Variants in JPH3 observed in about 807,000 individuals in gnomAD.
JPH3 encodes the protein junctophilin 3, also known as junctophilin-3.
JPH3 carries 11 observed loss-of-function variants against 59.6 expected under a neutral mutation model. The observed-to-expected ratio is 0.18, with a 90% CI of 0.12 to 0.31. The LOEUF (loss-of-function observed/expected upper bound fraction) is 0.31. Ranked by LOEUF, JPH3 falls within the 10% of genes least tolerant of loss-of-function variation. The pLI is 1.00. For synonymous variants in JPH3, 673 were observed against 483.6 expected (o/e 1.39, Z -5.14); for missense variants, 1,202 against 1,105.7 (o/e 1.09, Z -1.24).
chr16:87,697,322 C>A lies in JPH3; in HGVS notation c.*662C>A, dbSNP rs1392696225. On this transcript the variant is annotated 3_prime_UTR_variant, in exon 5 of 5. Coordinates refer to ENST00000284262, the MANE Select transcript of JPH3 (RefSeq NM_020655.4). Reference sequence around the variant, plus strand: ...CCGGCCTTCCATGAGAAGCCGACTCCCCACACCGAGTTTTAAAGCAAAGCC... The same window carrying A: ...CCGGCCTTCCATGAGAAGCCGACTCACCACACCGAGTTTTAAAGCAAAGCC... The A allele has an allele frequency of 1.3e-5, 2 of 152,538 alleles. No homozygotes were observed. The highest frequency in any genetic ancestry group is 4.8e-5 in the African/African-American group (2 of 41,456). The allele number at this position is 152,538 out of a possible 1,614,324, so 9.4% of individuals were successfully genotyped here.
chr16:87,605,911 G>A (rs756089560), intron 1 of JPH3, among the ~76,000 whole-genome samples: 1 of 152,234 alleles, frequency 6.6e-6, no homozygotes, highest in Non-Finnish European at 1.5e-5. Flanking sequence ...ATGCAGATGG[G>A]GAGCTTCATG....
chr16:87,622,403 C>T (rs997841521), intron 1 of JPH3, among the ~76,000 whole-genome samples: 2 of 152,176 alleles, frequency 1.3e-5, no homozygotes, highest in African/African-American at 4.8e-5. Flanking sequence ...TGACCTTTGG[C>T]GGTGGGAGGG....
rs1368183864 is a variant in JPH3 at position 87,644,387 on chromosome 16, A to C, written c.512A>C (p.His171Pro). The C allele has an allele frequency of 6.2e-7, 1 of 1,612,798 alleles. No homozygotes were observed. The highest frequency in any genetic ancestry group is 1.1e-5 in the South Asian group (1 of 91,070). Residue 171 changes from histidine (H) to proline (P), a missense_variant, in exon 2 of 5, where the codon CAC becomes CCC. Coordinates refer to ENST00000284262, the MANE Select transcript of JPH3 (RefSeq NM_020655.4). Reference protein sequence around the residue: ...RTSINSLRSEHTNGTALHPDA... With the variant: ...RTSINSLRSEPTNGTALHPDA... ...TCCATCAACTCCCTGCGCAGCGAGC[A>C]CACCAACGGCACGGCGCTGCATCCC...
At position 87,667,246 on chromosome 16, in the gene JPH3, C is replaced by T. The variant is rs537848887; in HGVS notation, c.1161-16896C>T. Among the ~76,000 whole-genome samples the T allele has an allele frequency of 1.3e-4, 20 of 152,338 alleles. No homozygotes were observed. In the South Asian group the frequency reaches 3.3e-3, roughly 25 times the overall value. The stretch of plus-strand genomic sequence containing the variant: ...TTGCATTAGGGCCCACCTGTATAAC[C>T]GAGGATGCCCTCTTCTCAAGAGCCG... On this transcript the variant is annotated intron_variant, in intron 2 of 4. Transcript: ENST00000284262.
chr16:87,697,047 C>A lies in JPH3; in HGVS notation c.*387C>A. 3.7e-6 allele frequency: 1 copy of A among 272,096 alleles called. No individual in the cohort carries two copies. The highest frequency in any genetic ancestry group is 4.2e-5 in the South Asian group (1 of 23,924). 16.9% of individuals were successfully genotyped at this position (272,096 alleles called of 1,614,324 possible). A position where few individuals can be genotyped will look rare whatever the true frequency, so the allele number is the denominator to read the frequency against. ...AGCCCGGGGCAGAGCCTCAGCCCCG[C>A]GGCCCCTGAGTGGCAGGGCTGACTC... On this transcript the variant is annotated 3_prime_UTR_variant, in exon 5 of 5. Coordinates refer to ENST00000284262, the MANE Select transcript of JPH3 (RefSeq NM_020655.4).
At position 87,695,709 on chromosome 16, in the gene JPH3, G is replaced by A. The variant is rs1442883238; in HGVS notation, c.2167-871G>A. The A allele has an allele frequency of 6.9e-6, 3 of 433,210 alleles. No homozygotes were observed. The Admixed American group carries it at 7.5e-5, about 11-fold the overall frequency. The allele number at this position is 433,210 out of a possible 1,614,324, so 26.8% of individuals were successfully genotyped here. Reference sequence around the variant, plus strand: ...CCCCTGCCGTCCTGGGAGCTTCCCAGAGGGGCCACGCTCCCTCTCCCCCTG... The same window carrying A: ...CCCCTGCCGTCCTGGGAGCTTCCCAAAGGGGCCACGCTCCCTCTCCCCCTG... On this transcript the variant is annotated intron_variant, in intron 4 of 4. Transcript: ENST00000284262.
chr16:87,616,936 C>T (rs1235457507), intron 1 of JPH3, among the ~76,000 whole-genome samples: 1 of 152,190 alleles, frequency 6.6e-6, no homozygotes, highest in Non-Finnish European at 1.5e-5. Flanking sequence ...ATCAATAGTT[C>T]GTTCCAGGCT....
At chr16:87,684,350 C>T in intron 3 of JPH3, 84 bp downstream of exon 3, 1 of 1,549,410 alleles carries the variant, frequency 6.5e-7, no homozygotes, top group South Asian at 1.2e-5. Flanking sequence ...ATGTGTCCTC[C>T]AGAGCGGGTA....
intron 2 of JPH3, among the ~76,000 whole-genome samples, chr16:87,677,213 CACACACACACACAAAAAAAA>C (rs1231581548): frequency 7.2e-5 from 9 of 125,380 alleles, no homozygotes; most frequent in East Asian, 2.7e-4. Context: ...CACACACACA[CACACACACACACAAAAAAAA>C]AAATTAGCCG....
chr16:87,605,186 G>A (rs1332304079), intron 1 of JPH3, among the ~76,000 whole-genome samples: 2 of 152,216 alleles, frequency 1.3e-5, no homozygotes, highest in Admixed American at 1.3e-4. Flanking sequence ...GACTGTGCAG[G>A]CCGGGCTCAC....
intron 1 of JPH3, among the ~76,000 whole-genome samples, chr16:87,622,738 A>AC (rs5818640): frequency 0.29 from 41,853 of 146,160 alleles, 6,525 homozygotes; most frequent in Non-Finnish European, 0.37. Flanking sequence ...GATAAATCAG[A>AC]CCCCCCCCCG....
intron 2 of JPH3, among the ~76,000 whole-genome samples, chr16:87,655,852 G>C (rs899374593): frequency 6.6e-6 from 1 of 152,228 alleles, no homozygotes; most frequent in Admixed American, 6.5e-5. Flanking sequence ...AATGAGGTTC[G>C]ACAGTGCTGA....
intron 1 of JPH3, among the ~76,000 whole-genome samples, chr16:87,643,985 C>A (rs55639911): frequency 0.37 from 55,899 of 151,962 alleles, 11,369 homozygotes; most frequent in East Asian, 0.71. Context: ...AAATAATTTA[C>A]AAAGTAGTGG....
intron 2 of JPH3, among the ~76,000 whole-genome samples, chr16:87,649,160 C>G (rs2150849235): frequency 6.6e-6 from 1 of 152,324 alleles, no homozygotes; most frequent in Non-Finnish European, 1.5e-5. Flanking sequence ...CCCCGCGGAG[C>G]TGAGGTCATG....
intron 2 of JPH3, chr16:87,683,884 G>T (rs570013692): frequency 2.2e-6 from 1 of 450,658 alleles, no homozygotes; most frequent in Admixed American, 3.8e-5. Flanking sequence ...GGGATTACAG[G>T]CGTGAGCCAC....
chr16:87,692,024 A>T (rs1247844800), intron 4 of JPH3, among the ~76,000 whole-genome samples: 3 of 152,096 alleles, frequency 2.0e-5, no homozygotes, highest in Non-Finnish European at 4.4e-5. Flanking sequence ...CTCTGGGATG[A>T]GTTAGCGACA....
Position 87,690,054 on chromosome 16 carries a change from A to T in JPH3, c.1694A>T (p.Gln565Leu). The T allele has an allele frequency of 6.4e-7, 1 of 1,567,012 alleles. No homozygotes were observed. ...CGCACCCGAGGTTCGGGCCGCAAGC[A>T]GCCCGGGAACCCCAAGCCGCGGGAG... is the stretch of plus-strand genomic sequence containing the variant. ...DFRTRGSGRKQPGNPKPRERR... is the reference protein window; with the variant it reads ...DFRTRGSGRKLPGNPKPRERR... The change falls in exon 4 of 5, where the codon CAG becomes CTG. Residue 565 changes from glutamine (Q) to leucine (L), a missense_variant. Physicochemically the swap from Gln to Leu is moderately radical, Grantham distance 113. Coordinates refer to ENST00000284262, the MANE Select transcript of JPH3 (RefSeq NM_020655.4).
chr16:87,694,406 T>C (rs1243244554), intron 4 of JPH3: 4 of 151,968 alleles, frequency 2.6e-5, no homozygotes, highest in Non-Finnish European at 5.9e-5. Flanking sequence ...GACAAAAGGG[T>C]CCCCGGGCCA....
In JPH3 at chr16:87,687,705, G is replaced by C. The variant is rs181668529; in HGVS notation, c.1286-1941G>C. Among the ~76,000 whole-genome samples the C allele has an allele frequency of 2.2e-4, 34 of 152,372 alleles. 1 individual carries two copies. The highest frequency in any genetic ancestry group is 1.4e-3 in the Admixed American group (21 of 15,312). ...GGCTTCTAGGAACGTTACCTGCTCAGCAGCTCATTCTAGCTGAGGGTGCCC... is the reference window on the plus strand; with the variant it reads ...GGCTTCTAGGAACGTTACCTGCTCACCAGCTCATTCTAGCTGAGGGTGCCC... On this transcript the variant is annotated intron_variant, in intron 3 of 4. Transcript: ENST00000284262.
Sources: gnomAD v4.1 joint callset for allele counts (sites outside exome capture counted in the v4.1 genomes callset) on GRCh38, gnomAD v4.1.1 for gene constraint, MANE v1.5 for transcripts, NCBI Gene and HGNC (gene_info 2026-07-23, HGNC 2026-07-21) for gene names.